The following DLG2 variants were observed in gnomAD, a reference collection of about 807,000 sequenced individuals.
DLG2 encodes the protein discs large MAGUK scaffold protein 2.
Under a neutral mutation model 132.5 loss-of-function variants are expected in DLG2, and 45 were observed. The ratio of observed to expected loss-of-function variants is 0.34; its 90% CI spans 0.27 to 0.44. DLG2 has a LOEUF of 0.44. Ranked by LOEUF, DLG2 falls within the 20% of genes least tolerant of loss-of-function variation. The pLI, the probability that DLG2 is intolerant of heterozygous loss-of-function variation, is 1.00. For missense variants in DLG2, 1,045 were observed against 1,196.9 expected, an observed-to-expected ratio of 0.87 and a Z score of 1.87; for synonymous variants, 424 against 419.6, an observed-to-expected ratio of 1.01 and a Z score of -0.13.
chr11:84,172,239 A>C (rs1057289724), intron 8 of DLG2, among the ~76,000 whole-genome samples: 2 of 152,214 alleles, frequency 1.3e-5, no homozygotes, highest in Admixed American at 6.5e-5. Flanking sequence ...AGACTGGTTT[A>C]AAATATGCAG....
intron 11 of DLG2, among the ~76,000 whole-genome samples, chr11:84,038,253 C>T (rs1330544951): frequency 1.3e-5 from 2 of 151,412 alleles, no homozygotes; most frequent in Admixed American, 1.3e-4. Flanking sequence ...ATGCATCTAA[C>T]AAAGGTCTAA....
chr11:85,260,388 T>C (rs1000888377), intron 4 of DLG2, among the ~76,000 whole-genome samples: 1 of 152,222 alleles, frequency 6.6e-6, no homozygotes, highest in Non-Finnish European at 1.5e-5. Flanking sequence ...ATTCCTTCCA[T>C]TGGGCCTATG....
At chr11:84,185,140 G>C (rs7951073) in intron 8 of DLG2, among the ~76,000 whole-genome samples, 113,596 of 151,852 alleles carry the variant, frequency 0.75, 43,753 homozygotes, top group Middle Eastern at 0.87. Context: ...GGATGGCATT[G>C]AATCTATAAA....
At chr11:84,613,732 A>C (rs2099599373) in intron 6 of DLG2, among the ~76,000 whole-genome samples, 1 of 152,174 alleles carries the variant, frequency 6.6e-6, no homozygotes, top group East Asian at 1.9e-4. Context: ...CTTCTTTAGA[A>C]TGCTTCAATC....
intron 6 of DLG2, among the ~76,000 whole-genome samples, chr11:84,614,616 A>C (rs1164071735): frequency 2.6e-5 from 4 of 152,194 alleles, no homozygotes; most frequent in African/African-American, 9.6e-5. Flanking sequence ...TTGGAGTCAG[A>C]CAAGTAGGTG....
chr11:84,331,795 G>C (rs960020674), intron 7 of DLG2, among the ~76,000 whole-genome samples: 5 of 152,116 alleles, frequency 3.3e-5, no homozygotes, highest in Admixed American at 2.0e-4. Context: ...GTGCCTTCGT[G>C]AGACCTTTCA....
At chr11:84,877,801 T>C (rs1025299420) in intron 6 of DLG2, among the ~76,000 whole-genome samples, 3 of 151,964 alleles carry the variant, frequency 2.0e-5, no homozygotes, top group African/African-American at 7.3e-5. Context: ...GGGAGAAAAA[T>C]TTTGCAATCT....
intron 17 of DLG2, among the ~76,000 whole-genome samples, chr11:83,802,846 G>T (rs2044836041): frequency 6.6e-6 from 1 of 152,114 alleles, no homozygotes; most frequent in Non-Finnish European, 1.5e-5. Flanking sequence ...AGGTTACACA[G>T]TGAATTGATA....
At chr11:84,713,602 C>G (rs2060691064) in intron 6 of DLG2, among the ~76,000 whole-genome samples, 1 of 151,976 alleles carries the variant, frequency 6.6e-6, no homozygotes, top group African/African-American at 2.4e-5. Flanking sequence ...ACCCGATTCA[C>G]AGGAGAAAAA....
At chr11:84,543,727 A>G (rs1459667223) in intron 6 of DLG2, among the ~76,000 whole-genome samples, 1 of 152,228 alleles carries the variant, frequency 6.6e-6, no homozygotes. Flanking sequence ...AACCCTTGAA[A>G]GAGGAATTTT....
chr11:83,737,552 C>T (rs1226915782), intron 18 of DLG2, among the ~76,000 whole-genome samples: 1 of 152,110 alleles, frequency 6.6e-6, no homozygotes, highest in Admixed American at 6.6e-5. Flanking sequence ...GGTGGCAAGG[C>T]ACATCAAAGT....
chr11:84,532,138 T>TTC (rs1269797014), intron 7 of DLG2, among the ~76,000 whole-genome samples: 1 of 149,310 alleles, frequency 6.7e-6, no homozygotes, highest in African/African-American at 2.5e-5. Flanking sequence ...TTTTTTTTTT[T>TTC]TTTACTGTAA....
intron 6 of DLG2, among the ~76,000 whole-genome samples, chr11:84,930,632 AAC>A (rs2047974078): frequency 1.3e-5 from 2 of 152,134 alleles, no homozygotes; most frequent in Admixed American, 1.3e-4. Context: ...AACAAAAGCC[AAC>A]ACACAAGTCC....
chr11:84,784,911 T>C (rs1050816539), intron 6 of DLG2, among the ~76,000 whole-genome samples: 2 of 152,108 alleles, frequency 1.3e-5, no homozygotes, highest in African/African-American at 4.8e-5. Context: ...TAATAATACA[T>C]TGTATTTTTG....
intron 3 of DLG2, among the ~76,000 whole-genome samples, chr11:85,476,554 G>A (rs1413854200): frequency 6.6e-6 from 1 of 151,792 alleles, no homozygotes; most frequent in Non-Finnish European, 1.5e-5. Flanking sequence ...ACACATTATA[G>A]AGCAATACAA....
At chr11:84,605,307 G>A in intron 6 of DLG2, among the ~76,000 whole-genome samples, 1 of 151,642 alleles carries the variant, frequency 6.6e-6, no homozygotes, top group East Asian at 1.9e-4. Context: ...CAAATACAAG[G>A]GTATGCACAT....
chr11:84,603,652 T>C (rs1220653892), intron 6 of DLG2, among the ~76,000 whole-genome samples: 2 of 151,972 alleles, frequency 1.3e-5, no homozygotes, highest in Non-Finnish European at 2.9e-5. Context: ...CATCTTTGAC[T>C]CTCACTCTTT....
chr11:84,638,896 T>C (rs916671572), intron 6 of DLG2, among the ~76,000 whole-genome samples: 3 of 152,230 alleles, frequency 2.0e-5, no homozygotes, highest in Non-Finnish European at 4.4e-5. Flanking sequence ...CATTAGCTTG[T>C]TGGCTATCAT....
intron 7 of DLG2, among the ~76,000 whole-genome samples, chr11:84,414,534 G>A (rs576632765): frequency 6.6e-6 from 1 of 152,068 alleles, no homozygotes; most frequent in African/African-American, 2.4e-5. Flanking sequence ...TTTGAAATGG[G>A]TATTATATTC....
Sources: gnomAD v4.1 joint callset for allele counts (sites outside exome capture counted in the v4.1 genomes callset) on GRCh38, gnomAD v4.1.1 for gene constraint, MANE v1.5 for transcripts, NCBI Gene and HGNC (gene_info 2026-07-23, HGNC 2026-07-21) for gene names.